ZNF41: variants seen among roughly 807,000 people sequenced by gnomAD.
The protein encoded by ZNF41 is zinc finger protein 41.
Under a neutral mutation model 9.3 loss-of-function variants are expected in ZNF41, and 6 were observed. That is an observed-to-expected ratio of 0.65 (90% CI 0.35 to 1.28). The LOEUF (loss-of-function observed/expected upper bound fraction) is 1.28, where lower values mean the gene tolerates loss of function less well. Among genes scored for constraint, ZNF41 ranks in the 50% most tolerant of loss-of-function variants. ZNF41 has a pLI of 0.03. For synonymous variants in ZNF41, 192 were observed against 207.1 expected, an observed-to-expected ratio of 0.93 and a Z score of 0.63; for missense variants, 523 against 585.8, an observed-to-expected ratio of 0.89 and a Z score of 1.11.
In ZNF41 at chrX:47,448,460, T is replaced by A. The variant is rs1426211314; in HGVS notation, c.1310A>T (p.Lys437Ile). 1 of 1,209,722 alleles carries A rather than the reference T, an allele frequency of 8.3e-7. No individual in the cohort carries two copies. Among genetic ancestry groups the A allele is most frequent in the Non-Finnish European group, 1.1e-6 (1 of 895,278 alleles). ...CCCACAGTCAGCGCATACATAAGGT[T>A]TCTCTCCCGTGTGGATTCTCTGATG... ...RMHQRIHTGE[K>I]PYVCADCGKA... Residue 437 changes from lysine to isoleucine, a missense_variant, in exon 5 of 5, where the codon AAA becomes ATA. By Grantham distance (102) the Lys-to-Ile change is moderately radical. Coordinates refer to ENST00000684689, the MANE Select transcript of ZNF41 (RefSeq NM_001324144.2).
At position 47,472,595 on chromosome X, in the gene ZNF41, T is replaced by C. The variant is rs370284152; in HGVS notation, c.-279-4835A>G. 2.4e-4 allele frequency among the ~76,000 whole-genome samples: 26 copies of C among 107,549 alleles called. No individual in the cohort carries two copies. In the East Asian group the frequency reaches 3.8e-3, roughly 16 times the overall value. 93.4% of individuals were successfully genotyped at this position (107,549 alleles called of 115,157 possible). A position where few individuals can be genotyped will look rare whatever the true frequency, so the allele number is the denominator to read the frequency against. ...GTGGGACTACAGGCGTGCGCCACCA[T>C]GCCCAGCTAATGTTTGCATTTTTAG... On this transcript the variant is annotated intron_variant, in intron 1 of 4. Transcript: ENST00000684689.
intron 1 of ZNF41, chrX:47,482,379 C>T (rs2057497099): frequency 9.2e-6 from 1 of 108,853 alleles, no homozygotes; most frequent in Non-Finnish European, 1.9e-5. Flanking sequence ...CCATAATTAT[C>T]TTAATGCTTG....
Position 47,454,759 on chromosome X carries a change from T to C in ZNF41, c.295+1162A>G, listed in dbSNP as rs182431352. Among the ~76,000 whole-genome samples, 19 of 109,570 alleles carry C rather than the reference T, an allele frequency of 1.7e-4. No individual in the cohort carries two copies. In the Admixed American group the frequency reaches 1.9e-3, roughly 11 times the overall value. ...AACACACTAAAATATGGAGAGACCA[T>C]AGGAATGAGTGAAAAAAAAAGGAAC... On this transcript the variant is annotated intron_variant, in intron 4 of 4. Coordinates refer to ENST00000684689, the MANE Select transcript of ZNF41 (RefSeq NM_001324144.2).
chrX:47,449,502 C>T (rs757968428), intron 4 of ZNF41, 28 bp from the exon 5 acceptor site: 79 of 1,187,411 alleles, frequency 6.7e-5, no homozygotes, highest in Non-Finnish European at 7.9e-5. Context: ...GAAATGAAAA[C>T]GACACAAAGA....
At chrX:47,478,037 T>A (rs2057380907) in intron 1 of ZNF41, among the ~76,000 whole-genome samples, 1 of 112,312 alleles carries the variant, frequency 8.9e-6, no homozygotes, top group South Asian at 3.6e-4. Flanking sequence ...GAAGTACTTC[T>A]AAAATAAACT....
intron 1 of ZNF41, among the ~76,000 whole-genome samples, chrX:47,468,046 G>A (rs1268045015): frequency 9.0e-6 from 1 of 111,729 alleles, no homozygotes; most frequent in Non-Finnish European, 1.9e-5. Flanking sequence ...TTATTACAAG[G>A]TGCGAGGCAT....
intron 3 of ZNF41, 82 bp downstream of exon 3, chrX:47,456,190 C>T: frequency 1.7e-6 from 2 of 1,154,940 alleles, no homozygotes; most frequent in South Asian, 3.6e-5. Flanking sequence ...GACACCATCA[C>T]ATAGGTTAGG....
At position 47,448,285 on chromosome X, in the gene ZNF41, A is replaced by G. The variant is rs760656339; in HGVS notation, c.1485T>C (p.Tyr495=). 8.3e-7 allele frequency: 1 copy of G among 1,209,211 alleles called. No homozygotes were observed. Among genetic ancestry groups the G allele is most frequent in the Non-Finnish European group, 1.1e-6 (1 of 895,064 alleles). Residue 495 remains tyrosine, a synonymous_variant, in exon 5 of 5, where the codon TAT becomes TAC. Transcript: ENST00000684689. The part of the protein sequence containing the change: ...HQRIHTGEKP[Y]ICTECGKVFT... Reference sequence around the variant, plus strand: ...AGACCTTTCCACATTCTGTACATATATAGGGTTTCTCTCCGGTGTGAATTC... The same window carrying G: ...AGACCTTTCCACATTCTGTACATATGTAGGGTTTCTCTCCGGTGTGAATTC...
intron 2 of ZNF41, among the ~76,000 whole-genome samples, chrX:47,459,875 G>A (rs1484237261): frequency 1.8e-5 from 2 of 108,895 alleles, no homozygotes; most frequent in African/African-American, 6.7e-5. Context: ...CCTGGGAGGC[G>A]GAGGTTGCAG....
chrX:47,477,120 T>G (rs1452425480), intron 1 of ZNF41: 1 of 103,000 alleles, frequency 9.7e-6, no homozygotes, highest in East Asian at 3.2e-4. Flanking sequence ...TCCCAAAGTG[T>G]TGGGATTACA....
chrX:47,456,060 T>C (rs751026477), intron 3 of ZNF41, 44 bp from the exon 4 acceptor site: 13 of 1,142,943 alleles, frequency 1.1e-5, no homozygotes, highest in Non-Finnish European at 1.3e-5. Flanking sequence ...GCTGATTGGG[T>C]TTCAGGGGCC....
intron 2 of ZNF41, among the ~76,000 whole-genome samples, chrX:47,456,975 G>C (rs1303448069): frequency 2.7e-5 from 3 of 112,000 alleles, no homozygotes; most frequent in Non-Finnish European, 5.6e-5. Context: ...ATAGTATATT[G>C]AGAAGGTGAC....
At chrX:47,452,546 T>C (rs1234037136) in intron 4 of ZNF41, among the ~76,000 whole-genome samples, 1 of 111,702 alleles carries the variant, frequency 9.0e-6, no homozygotes, top group Admixed American at 9.6e-5. Context: ...AGGGAGCCTC[T>C]TCCTTGGATG....
Position 47,448,078 on chromosome X carries a change from C to T in ZNF41, c.1692G>A (p.Ser564=), listed in dbSNP as rs746950570. The T allele has an allele frequency of 3.6e-5, 44 of 1,209,101 alleles. No homozygotes were observed. The highest frequency in any genetic ancestry group is 8.9e-5 in the East Asian group (3 of 33,711). ...GAGATTTCTGATGTATTTTGAGGCG[C>T]GACTTCCATATGAAGGCTTTTCCAC... ...NGCGKAFIWK[S]RLKIHQKSHI... is the part of the protein sequence containing the mutation. Residue 564 remains serine (S), a synonymous_variant, in exon 5 of 5, where the codon TCG becomes TCA. Coordinates refer to ENST00000684689, the MANE Select transcript of ZNF41 (RefSeq NM_001324144.2).
Position 47,456,410 on chromosome X carries a change from C to T in ZNF41, c.73-12G>A, listed in dbSNP as rs377746997. ...AATGACACTGAAGCCTGTAACGACA[C>T]AATGCTGTTCAAGGCAGCATGGTCA... On this transcript the variant is annotated splice_polypyrimidine_tract_variant and intron_variant, in intron 2 of 4. Transcript: ENST00000684689. 1.7e-6 allele frequency: 2 copies of T among 1,209,343 alleles called. No homozygotes were observed. The highest frequency in any genetic ancestry group is 2.2e-6 in the Non-Finnish European group (2 of 894,929).
In ZNF41 at chrX:47,448,514, G is replaced by A. The variant is rs762631416; in HGVS notation, c.1256C>T (p.Ala419Val). ...CCTGAGTGCTGATTTTCTTGTGAAAGCCTTCCCACATTCATTGCATTCATA... is the reference window on the plus strand; with the variant it reads ...CCTGAGTGCTGATTTTCTTGTGAAAACCTTCCCACATTCATTGCATTCATA... ...KHYECNECGK[A>V]FTRKSALRMH... Residue 419 changes from alanine to valine, a missense_variant, in exon 5 of 5, where the codon GCT becomes GTT. Coordinates refer to ENST00000684689, the MANE Select transcript of ZNF41 (RefSeq NM_001324144.2). 14 of 1,209,843 alleles carry A rather than the reference G, an allele frequency of 1.2e-5. No individual in the cohort carries two copies. Among genetic ancestry groups the A allele is most frequent in the African/African-American group, 3.5e-5 (2 of 57,093 alleles).
intron 1 of ZNF41, among the ~76,000 whole-genome samples, chrX:47,480,788 T>C (rs1480917566): frequency 9.5e-6 from 1 of 105,354 alleles, no homozygotes; most frequent in African/African-American, 3.5e-5. Flanking sequence ...AAAACGCACA[T>C]CAAGGCAAAC....
At chrX:47,464,235 C>T (rs932455252) in intron 2 of ZNF41, among the ~76,000 whole-genome samples, 1 of 111,521 alleles carries the variant, frequency 9.0e-6, no homozygotes, top group Middle Eastern at 4.6e-3. Flanking sequence ...TTCTTGGTCT[C>T]TGGCTCCAGC....
At position 47,447,522 on chromosome X, in the gene ZNF41, T is replaced by C; in HGVS notation, c.2248A>G (p.Thr750Ala). The C allele has an allele frequency of 2.5e-6, 3 of 1,211,974 alleles. 1 individual carries two copies. The highest frequency in any genetic ancestry group is 1.8e-5 in the South Asian group (1 of 57,018). Residue 750 changes from threonine (T) to alanine (A), a missense_variant, in exon 5 of 5, where the codon ACA becomes GCA. Transcript: ENST00000684689. ...TCAGTAAAGGCCTTCTGACATTCTG[T>C]ACAAGCATAAGGTTTCTTTCCTGTA... ...IHTGKKPYAC[T>A]ECQKAFTDRS...
Sources: gnomAD v4.1 joint callset for allele counts (sites outside exome capture counted in the v4.1 genomes callset) on GRCh38, gnomAD v4.1.1 for gene constraint, MANE v1.5 for transcripts, NCBI Gene and HGNC (gene_info 2026-07-23, HGNC 2026-07-21) for gene names.